ECPAS: variants seen among roughly 807,000 people sequenced by gnomAD.
ECPAS encodes the protein Ecm29 proteasome adaptor and scaffold.
A neutral mutation model predicts 255.1 loss-of-function variants in ECPAS; 70 were observed. That is an observed-to-expected ratio of 0.27 (90% CI 0.23 to 0.33). ECPAS has a LOEUF of 0.33. ECPAS is among the 10% of genes least tolerant of loss of function. ECPAS has a pLI of 1.00. For missense variants in ECPAS, 1,817 were observed against 2,206.4 expected, an observed-to-expected ratio of 0.82 and a Z score of 3.54; for synonymous variants, 784 against 775.0, an observed-to-expected ratio of 1.01 and a Z score of -0.19.
intron 38 of ECPAS, 46 bp from the exon 39 acceptor site, chr9:111,374,084 T>G: frequency 6.9e-7 from 1 of 1,458,770 alleles, no homozygotes; most frequent in South Asian, 1.1e-5. Context: ...GGTCACAATG[T>G]TCTACCTACC....
At chr9:111,408,816 C>A in intron 23 of ECPAS, 144 bp from the exon 24 acceptor site, 1 of 484,444 alleles carries the variant, frequency 2.1e-6, no homozygotes. Flanking sequence ...TCAAATTTTA[C>A]AGTCGTATGT....
In ECPAS at chr9:111,483,974, G is replaced by C. The variant is rs1220905081; in HGVS notation, c.-83+142C>G. 6 of 992,032 alleles carry C rather than the reference G, an allele frequency of 6.0e-6. No individual in the cohort carries two copies. The South Asian group carries it at 2.7e-4, about 45-fold the overall frequency. 61.5% of individuals were successfully genotyped at this position (992,032 alleles called of 1,614,324 possible). ...GCCCGCCCTCGCTCGCTCGCGGCTC[G>C]TCCTGCCCACCTGTCGCCGCCCGCC... is the stretch of plus-strand genomic sequence containing the variant. On this transcript the variant is annotated intron_variant, in intron 1 of 49. Transcript: ENST00000684092.
chr9:111,447,468 T>C (rs2098254816), intron 3 of ECPAS, among the ~76,000 whole-genome samples: 1 of 152,198 alleles, frequency 6.6e-6, no homozygotes, highest in Non-Finnish European at 1.5e-5. Context: ...ATTATTGTCA[T>C]GTTAAATATC....
chr9:111,363,452 T>C, intron 49 of ECPAS, 136 bp downstream of exon 49: 1 of 478,468 alleles, frequency 2.1e-6, no homozygotes, highest in Non-Finnish European at 3.6e-6. Context: ...TTGTCCATTC[T>C]TCTTGCATGT....
chr9:111,439,239 T>C (rs919172765), intron 6 of ECPAS, among the ~76,000 whole-genome samples: 1 of 152,220 alleles, frequency 6.6e-6, no homozygotes, highest in Non-Finnish European at 1.5e-5. Flanking sequence ...AGTTGACCTT[T>C]AAGCCAGTTT....
chr9:111,429,448 A>T (rs777772551), intron 9 of ECPAS, among the ~76,000 whole-genome samples: 32 of 152,080 alleles, frequency 2.1e-4, no homozygotes, highest in Non-Finnish European at 4.1e-4. Context: ...GTGTTTTGTG[A>T]CCCTAAAAAG....
chr9:111,458,596 C>T (rs2098269608), intron 2 of ECPAS, among the ~76,000 whole-genome samples: 1 of 150,900 alleles, frequency 6.6e-6, no homozygotes, highest in African/African-American at 2.4e-5. Flanking sequence ...AGGTTTTCAG[C>T]CAGGTGATTA....
At chr9:111,447,403 T>C (rs1205278860) in intron 3 of ECPAS, among the ~76,000 whole-genome samples, 1 of 152,214 alleles carries the variant, frequency 6.6e-6, no homozygotes, top group African/African-American at 2.4e-5. Context: ...GAGCTACTAC[T>C]GCACTCGGCC....
intron 3 of ECPAS, among the ~76,000 whole-genome samples, chr9:111,445,725 T>C (rs1564550870): frequency 6.6e-6 from 1 of 150,726 alleles, no homozygotes; most frequent in Non-Finnish European, 1.5e-5. Flanking sequence ...ATGTGCACAA[T>C]GTGCAGGTTT....
chr9:111,431,859 C>T (rs1033053130), intron 8 of ECPAS, among the ~76,000 whole-genome samples: 2 of 152,174 alleles, frequency 1.3e-5, no homozygotes, highest in Non-Finnish European at 2.9e-5. Flanking sequence ...TTCTACAATT[C>T]TGTTTTAGAT....
intron 15 of ECPAS, among the ~76,000 whole-genome samples, chr9:111,420,400 A>G (rs1212498848): frequency 1.3e-5 from 2 of 152,284 alleles, no homozygotes; most frequent in South Asian, 4.1e-4. Flanking sequence ...TCCAAGGACC[A>G]TAACTAGAGA....
chr9:111,474,642 G>A (rs539883986), intron 1 of ECPAS, among the ~76,000 whole-genome samples: 6 of 152,292 alleles, frequency 3.9e-5, no homozygotes, highest in African/African-American at 1.4e-4. Context: ...GTCCAAACTA[G>A]TTCTGTTGGC....
chr9:111,382,767 C>T (rs2098142328), intron 35 of ECPAS, among the ~76,000 whole-genome samples: 1 of 152,130 alleles, frequency 6.6e-6, no homozygotes, highest in South Asian at 2.1e-4. Flanking sequence ...ACAAACAAAA[C>T]ATACAAACTA....
At position 111,483,940 on chromosome 9, in the gene ECPAS, C is replaced by A. The variant is rs565484833; in HGVS notation, c.-83+176G>T. The A allele has an allele frequency of 3.3e-6, 3 of 910,248 alleles. No individual in the cohort carries two copies. In the South Asian group the frequency reaches 1.4e-4, roughly 44 times the overall value. The allele number at this position is 910,248 out of a possible 1,614,324, so 56.4% of individuals were successfully genotyped here. ...CCAGCGGCCCCCCCGCCGGGCCCCTCGCGCGCCCGCCCGCCCTCGCTCGCT... is the reference window on the plus strand; with the variant it reads ...CCAGCGGCCCCCCCGCCGGGCCCCTAGCGCGCCCGCCCGCCCTCGCTCGCT... On this transcript the variant is annotated intron_variant, in intron 1 of 49. Transcript: ENST00000684092.
chr9:111,417,639 C>A (rs762228416), intron 17 of ECPAS, among the ~76,000 whole-genome samples: 3 of 151,808 alleles, frequency 2.0e-5, no homozygotes, highest in Non-Finnish European at 4.4e-5. Context: ...CCCAGCTATT[C>A]AGGAGCTGGG....
rs373736402 is a variant in ECPAS at position 111,394,353 on chromosome 9, T to C, written c.2777-48A>G. The C allele has an allele frequency of 2.7e-5, 38 of 1,430,744 alleles. No individual in the cohort carries two copies. The African/African-American group carries it at 3.3e-4, about 13-fold the overall frequency. The allele number at this position is 1,430,744 out of a possible 1,614,324, so 88.6% of individuals were successfully genotyped here. A position where few individuals can be genotyped will look rare whatever the true frequency, so the allele number is the denominator to read the frequency against. On this transcript the variant is annotated intron_variant, in intron 25 of 49. Transcript: ENST00000684092. The stretch of plus-strand genomic sequence containing the variant: ...AACAAAGAATTAAAATAACTCAACA[T>C]AGTTTCCTGAAAAAATTAAATTCAA...
chr9:111,378,825 T>A, intron 35 of ECPAS, 95 bp from the exon 36 acceptor site: 2 of 1,198,708 alleles, frequency 1.7e-6, no homozygotes, highest in Non-Finnish European at 2.3e-6. Context: ...TTCACTGCAT[T>A]AAAGCATATT....
intron 4 of ECPAS, among the ~76,000 whole-genome samples, chr9:111,442,914 C>T (rs776816035): frequency 2.6e-5 from 4 of 152,150 alleles, no homozygotes; most frequent in Non-Finnish European, 5.9e-5. Flanking sequence ...CATGATGAAC[C>T]AAAGGAAACT....
chr9:111,380,175 G>A (rs1008382989), intron 35 of ECPAS, among the ~76,000 whole-genome samples: 3 of 152,196 alleles, frequency 2.0e-5, no homozygotes, highest in Admixed American at 2.0e-4. Flanking sequence ...CTTGATCCAT[G>A]GGCTTCAGAA....
Sources: gnomAD v4.1 joint callset for allele counts (sites outside exome capture counted in the v4.1 genomes callset) on GRCh38, gnomAD v4.1.1 for gene constraint, MANE v1.5 for transcripts, NCBI Gene and HGNC (gene_info 2026-07-23, HGNC 2026-07-21) for gene names.